The following KAZN variants were observed in gnomAD, a reference collection of about 807,000 sequenced individuals.
KAZN encodes the protein kazrin.
Under a neutral mutation model 87.4 loss-of-function variants are expected in KAZN, and 40 were observed. The observed-to-expected ratio is 0.46, with a 90% confidence interval of 0.36 to 0.60. KAZN has a LOEUF of 0.60. Ranked by LOEUF, KAZN falls within the 20% of genes least tolerant of loss-of-function variation. The pLI, the probability that KAZN is intolerant of heterozygous loss-of-function variation, is 0.00. For synonymous variants in KAZN, 466 were observed against 458.3 expected, an observed-to-expected ratio of 1.02 and a Z score of -0.22; for missense variants, 898 against 1,073.9, an observed-to-expected ratio of 0.84 and a Z score of 2.29.
chr1:13,930,486 C>T (rs748639107), intron 1 of KAZN, among the ~76,000 whole-genome samples: 2 of 152,172 alleles, frequency 1.3e-5, no homozygotes, highest in Non-Finnish European at 2.9e-5. Flanking sequence ...ATGGAATCTA[C>T]TAAGCCATTT....
chr1:14,981,992 T>C (rs958398328), intron 2 of KAZN, among the ~76,000 whole-genome samples: 1 of 152,172 alleles, frequency 6.6e-6, no homozygotes, highest in Non-Finnish European at 1.5e-5. Context: ...GCCTGTCAGC[T>C]GTGATCTAAA....
chr1:14,924,273 C>T (rs1658882757), intron 1 of KAZN: 1 of 982,634 alleles, frequency 1.0e-6, no homozygotes. Context: ...GGCTGCGCCC[C>T]GATGCGGCGG....
In KAZN at chr1:13,924,722, C is replaced by T. The variant is rs200188433; in HGVS notation, c.91+30966C>T. On this transcript the variant is annotated intron_variant, in intron 1 of 16. Transcript: ENST00000636203. ...ATCCAGCAATTGCTTCGAGTTGTCT[C>T]GCCTTTCCAGACTGAACCAGTGTTC... Among the ~76,000 whole-genome samples, 39 of 152,332 alleles carry T rather than the reference C, an allele frequency of 2.6e-4. No homozygotes were observed. The East Asian group carries it at 6.0e-3, about 23-fold the overall frequency.
intron 2 of KAZN, among the ~76,000 whole-genome samples, chr1:14,379,029 T>C (rs115755491): frequency 1.0e-4 from 15 of 144,342 alleles, no homozygotes; most frequent in African/African-American, 3.4e-4. Context: ...AAAGAAGACA[T>C]TGACCTGCAT....
intron 2 of KAZN, among the ~76,000 whole-genome samples, chr1:14,535,652 G>A (rs1021794588): frequency 4.1e-5 from 6 of 147,396 alleles, no homozygotes; most frequent in East Asian, 4.0e-4. Flanking sequence ...GCCACAGAGT[G>A]AGACTCTGTC....
intron 13 of KAZN, among the ~76,000 whole-genome samples, chr1:15,106,046 G>A (rs1342845438): frequency 1.3e-5 from 2 of 152,118 alleles, no homozygotes; most frequent in African/African-American, 4.8e-5. Context: ...TTAGGAGGCG[G>A]AGGCAGGAGG....
chr1:14,739,388 G>A lies in KAZN; in HGVS notation c.226+140165G>A, dbSNP rs141067564. Reference sequence around the variant, plus strand: ...CCCAGCTTTATTAGGTGCTGGCATCGGAAGTACAAGCAAGAGACGGGCAGT... The same window carrying A: ...CCCAGCTTTATTAGGTGCTGGCATCAGAAGTACAAGCAAGAGACGGGCAGT... On this transcript the variant is annotated intron_variant, in intron 1 of 14. Transcript: ENST00000376030. Among the ~76,000 whole-genome samples, 11 of 152,122 alleles carry A rather than the reference G, an allele frequency of 7.2e-5. No individual in the cohort carries two copies. The East Asian group carries it at 1.4e-3, about 19-fold the overall frequency.
chr1:13,930,438 T>C (rs1353051039), intron 1 of KAZN, among the ~76,000 whole-genome samples: 7 of 152,174 alleles, frequency 4.6e-5, no homozygotes, highest in Non-Finnish European at 1.0e-4. Context: ...TTGTCACATG[T>C]CATTATTACA....
chr1:14,243,910 A>C (rs570253117), intron 2 of KAZN, among the ~76,000 whole-genome samples: 5 of 152,306 alleles, frequency 3.3e-5, no homozygotes, highest in African/African-American at 9.6e-5. Context: ...TAGTTTACCC[A>C]TCATCACAAA....
chr1:14,672,817 AG>A (rs1216002226), intron 1 of KAZN, among the ~76,000 whole-genome samples: 1 of 152,146 alleles, frequency 6.6e-6, no homozygotes, highest in Non-Finnish European at 1.5e-5. Flanking sequence ...ATACACCAAC[AG>A]CCACCTCTAA....
chr1:14,975,209 C>G (rs1300343916), intron 2 of KAZN, among the ~76,000 whole-genome samples: 2 of 152,238 alleles, frequency 1.3e-5, no homozygotes, highest in Non-Finnish European at 2.9e-5. Flanking sequence ...ATACCCAGGG[C>G]TCCTGGGCTC....
chr1:14,324,342 C>A (rs1656252294), intron 2 of KAZN, among the ~76,000 whole-genome samples: 1 of 152,150 alleles, frequency 6.6e-6, no homozygotes, highest in African/African-American at 2.4e-5. Context: ...TAATAAGTGT[C>A]CCTAGAATCT....
At chr1:13,900,286 C>A (rs1639201351) in intron 1 of KAZN, among the ~76,000 whole-genome samples, 1 of 152,090 alleles carries the variant, frequency 6.6e-6, no homozygotes, top group Admixed American at 6.6e-5. Flanking sequence ...GCACAATGGA[C>A]AAAGAGGTGG....
chr1:14,935,347 T>C (rs1255000767), intron 1 of KAZN, among the ~76,000 whole-genome samples: 1 of 152,126 alleles, frequency 6.6e-6, no homozygotes, highest in Non-Finnish European at 1.5e-5. Flanking sequence ...TTCAAGAAAT[T>C]CTCCTGTCTT....
At chr1:13,967,607 A>G (rs1166452837) in intron 1 of KAZN, among the ~76,000 whole-genome samples, 1 of 152,156 alleles carries the variant, frequency 6.6e-6, no homozygotes, top group Non-Finnish European at 1.5e-5. Flanking sequence ...CCCCATCTGA[A>G]TGGAGCCAAT....
At chr1:14,746,752 A>G (rs1008208002) in intron 1 of KAZN, among the ~76,000 whole-genome samples, 26 of 152,184 alleles carry the variant, frequency 1.7e-4, no homozygotes, top group Admixed American at 1.3e-3. Context: ...GTGGGGTGCC[A>G]TGAGTCTCTG....
At chr1:14,992,736 C>T (rs191507019) in intron 2 of KAZN, among the ~76,000 whole-genome samples, 25 of 152,160 alleles carry the variant, frequency 1.6e-4, no homozygotes, top group African/African-American at 5.3e-4. Context: ...CTCCATGTCC[C>T]GGGTTCGAGC....
At chr1:14,997,390 G>A (rs973328396) in intron 2 of KAZN, among the ~76,000 whole-genome samples, 16 of 151,984 alleles carry the variant, frequency 1.1e-4, no homozygotes, top group South Asian at 4.2e-4. Context: ...ACAGGCATGC[G>A]TCACCACACC....
At chr1:15,019,606 C>T (rs1247028734) in intron 2 of KAZN, among the ~76,000 whole-genome samples, 1 of 152,180 alleles carries the variant, frequency 6.6e-6, no homozygotes, top group Admixed American at 6.5e-5. Flanking sequence ...CCAGGCTGGT[C>T]TCGAGCTCCT....
Sources: allele counts gnomAD v4.1 joint callset (sites outside exome capture counted in the v4.1 genomes callset), GRCh38; gene constraint gnomAD v4.1.1; transcripts MANE v1.5; gene names NCBI Gene and HGNC (gene_info 2026-07-23, HGNC 2026-07-21).